LIPI: variants seen among roughly 807,000 people sequenced by gnomAD.
The protein encoded by LIPI is lipase I, also known as lipase member I.
LIPI carries 59 observed loss-of-function variants against 50.6 expected under a neutral mutation model. That is an observed-to-expected ratio of 1.16 (90% CI 0.94 to 1.45). LIPI has a LOEUF of 1.45. LIPI is among the 40% of genes most tolerant of loss of function. LIPI has a pLI of 0.00. For missense variants in LIPI, 586 were observed against 536.3 expected, an observed-to-expected ratio of 1.09 and a Z score of -0.92; for synonymous variants, 203 against 178.2, an observed-to-expected ratio of 1.14 and a Z score of -1.11.
intron 1 of LIPI, among the ~76,000 whole-genome samples, chr21:14,198,798 A>G (rs1444180445): frequency 6.6e-6 from 1 of 152,062 alleles, no homozygotes; most frequent in African/African-American, 2.4e-5. Context: ...ATAAAACAAT[A>G]GAATACACAT....
chr21:14,119,724 A>G (rs1473031086), intron 9 of LIPI, among the ~76,000 whole-genome samples: 1 of 152,188 alleles, frequency 6.6e-6, no homozygotes, highest in African/African-American at 2.4e-5. Context: ...ATGAAAGAAA[A>G]GAAATGGCTA....
intron 4 of LIPI, among the ~76,000 whole-genome samples, chr21:14,177,834 C>T (rs1338920170): frequency 6.6e-6 from 1 of 152,084 alleles, no homozygotes; most frequent in Non-Finnish European, 1.5e-5. Context: ...TCCAAAATAG[C>T]CACAATCTAA....
At chr21:14,194,833 A>G (rs1402813427) in intron 1 of LIPI, among the ~76,000 whole-genome samples, 1 of 152,218 alleles carries the variant, frequency 6.6e-6, no homozygotes, top group Non-Finnish European at 1.5e-5. Context: ...TGTTTGACAC[A>G]ATTGAAAGAA....
At chr21:14,128,959 C>T (rs1168390132) in intron 9 of LIPI, among the ~76,000 whole-genome samples, 1 of 151,922 alleles carries the variant, frequency 6.6e-6, no homozygotes, top group Non-Finnish European at 1.5e-5. Flanking sequence ...AGAGTTTGAA[C>T]AAGATGTTTA....
chr21:14,110,503 T>C (rs1449262047), intron 9 of LIPI, among the ~76,000 whole-genome samples: 3 of 152,018 alleles, frequency 2.0e-5, no homozygotes, highest in African/African-American at 4.8e-5. Context: ...ACATCTACTC[T>C]GCATTTTTCA....
chr21:14,119,238 C>T (rs997634783), intron 9 of LIPI, among the ~76,000 whole-genome samples: 14 of 152,162 alleles, frequency 9.2e-5, no homozygotes, highest in African/African-American at 1.7e-4. Context: ...CTCCACCTAG[C>T]GACCCATGTA....
chr21:14,204,164 A>C (rs1163153225), intron 1 of LIPI, among the ~76,000 whole-genome samples: 1 of 152,000 alleles, frequency 6.6e-6, no homozygotes, highest in African/African-American at 2.4e-5. Context: ...GGTATAAATA[A>C]ATGTAGTGGT....
chr21:14,150,775 AG>A (rs993375524), intron 8 of LIPI, among the ~76,000 whole-genome samples: 1 of 152,176 alleles, frequency 6.6e-6, no homozygotes, highest in Non-Finnish European at 1.5e-5. Flanking sequence ...AGGGCCGAAA[AG>A]TTTCTCTCAA....
At chr21:14,132,752 A>G (rs1205138293) in intron 9 of LIPI, among the ~76,000 whole-genome samples, 1 of 152,154 alleles carries the variant, frequency 6.6e-6, no homozygotes, top group Admixed American at 6.5e-5. Context: ...TTGATAAACC[A>G]CTAGCTAGGC....
At chr21:14,210,603 CTTA>C (rs1568890740) in intron 1 of LIPI, among the ~76,000 whole-genome samples, 194 bp downstream of exon 1, 1 of 151,412 alleles carries the variant, frequency 6.6e-6, no homozygotes, top group East Asian at 1.9e-4. Flanking sequence ...AAAATGTCAA[CTTA>C]TTAAACAAAC....
chr21:14,113,298 C>T (rs1168112959), intron 9 of LIPI, among the ~76,000 whole-genome samples: 2 of 152,148 alleles, frequency 1.3e-5, no homozygotes, highest in Non-Finnish European at 2.9e-5. Context: ...TGAGACTCAG[C>T]AGATAAATGC....
chr21:14,132,213 C>T lies in LIPI; in HGVS notation c.1295+12410G>A, dbSNP rs73155598. On this transcript the variant is annotated intron_variant, in intron 9 of 9. Transcript: ENST00000681601. ...CAGACATGCAAATACAGGAGTCCCA[C>T]TATTTCCCAGGCAAATACACTGCAA... 4.5e-3 allele frequency among the ~76,000 whole-genome samples: 683 copies of T among 152,294 alleles called. 1 individual carries two copies. Among genetic ancestry groups the T allele is most frequent in the Non-Finnish European group, 7.5e-3 (512 of 68,008 alleles).
rs572815744 is a variant in LIPI, at chr21:14,114,520, C to T, written c.1296-5440G>A. ...CCCCCTTATGTTCCAATTTACCCTT[C>T]TCTGGCAAGGCTTAGGCAGGAAGCC... On this transcript the variant is annotated intron_variant, in intron 9 of 9. Transcript: ENST00000681601. Among the ~76,000 whole-genome samples, 181 of 152,332 alleles carry T rather than the reference C, an allele frequency of 1.2e-3. 1 individual carries two copies. The highest frequency in any genetic ancestry group is 2.0e-3 in the Non-Finnish European group (135 of 68,034).
At chr21:14,191,491 CCT>C (rs2019675749) in intron 1 of LIPI, among the ~76,000 whole-genome samples, 5 of 151,032 alleles carry the variant, frequency 3.3e-5, no homozygotes, top group African/African-American at 4.9e-5. Flanking sequence ...CTGTACCCTG[CCT>C]ATTAAAAAGC....
intron 1 of LIPI, among the ~76,000 whole-genome samples, chr21:14,206,380 A>C (rs992494207): frequency 2.0e-5 from 3 of 152,106 alleles, no homozygotes; most frequent in African/African-American, 7.2e-5. Context: ...ATGCTTTTTC[A>C]TGCTGGGCAA....
chr21:14,111,040 A>AATTAAC (rs2016391968), intron 9 of LIPI, among the ~76,000 whole-genome samples: 1 of 151,546 alleles, frequency 6.6e-6, no homozygotes, highest in South Asian at 2.1e-4. Context: ...CTAATGCTGT[A>AATTAAC]ATTAACATGG....
At chr21:14,183,546 G>A (rs1235131393) in intron 3 of LIPI, among the ~76,000 whole-genome samples, 1 of 152,100 alleles carries the variant, frequency 6.6e-6, no homozygotes, top group East Asian at 1.9e-4. Flanking sequence ...GCAACCTATA[G>A]AATGGGAGAA....
chr21:14,186,018 C>T lies in LIPI; in HGVS notation c.484G>A (p.Ala162Thr), dbSNP rs916618193. The T allele has an allele frequency of 1.5e-5, 24 of 1,607,564 alleles. No homozygotes were observed. Among genetic ancestry groups the T allele is most frequent in the Non-Finnish European group, 1.8e-5 (21 of 1,174,436 alleles). Reference protein sequence around the residue: ...NFHFIGVSLGAHISGFVGKIF... With the variant: ...NFHFIGVSLGTHISGFVGKIF... ...TTTCCAACAAATCCACTGATATGAG[C>T]CCCTAAGCTCACACCTATGAAATGA... Residue 162 changes from alanine (A) to threonine (T), a missense_variant, in exon 3 of 10, where the codon GCT (alanine) becomes ACT (threonine). By Grantham distance (58) the Ala-to-Thr change is moderately conservative. Transcript: ENST00000681601.
chr21:14,117,149 A>T (rs1464373846), intron 9 of LIPI, among the ~76,000 whole-genome samples: 18 of 152,218 alleles, frequency 1.2e-4, no homozygotes, highest in Admixed American at 1.2e-3. Context: ...AAACTAGAGG[A>T]CAGATCTATT....
Sources: gnomAD v4.1 joint callset for allele counts (sites outside exome capture counted in the v4.1 genomes callset) on GRCh38, gnomAD v4.1.1 for gene constraint, MANE v1.5 for transcripts, NCBI Gene and HGNC (gene_info 2026-07-23, HGNC 2026-07-21) for gene names.